The following TMPRSS15 variants were observed in gnomAD, a reference collection of about 807,000 sequenced individuals.
TMPRSS15 encodes transmembrane serine protease 15.
In TMPRSS15, 128 loss-of-function variants were observed where a neutral mutation model predicts 125.3. That is an observed-to-expected ratio of 1.02 (90% CI 0.89 to 1.18). The LOEUF (loss-of-function observed/expected upper bound fraction) is 1.18, where lower values mean the gene tolerates loss of function less well. Among genes scored for constraint, TMPRSS15 ranks in the 50% most tolerant of loss-of-function variants. The pLI, the probability that TMPRSS15 is intolerant of heterozygous loss-of-function variation, is 0.00. For missense variants in TMPRSS15, 1,283 were observed against 1,212.7 expected (o/e 1.06, Z -0.86); for synonymous variants, 446 against 423.2 (o/e 1.05, Z -0.66).
chr21:18,462,737 A>G (rs1978574509), intron 1 of TMPRSS15, among the ~76,000 whole-genome samples: 1 of 152,200 alleles, frequency 6.6e-6, no homozygotes, highest in Non-Finnish European at 1.5e-5. Context: ...GTAGAGCATC[A>G]AGAAAATCAC....
At chr21:18,282,476 C>A (rs1468708941) in intron 21 of TMPRSS15, among the ~76,000 whole-genome samples, 2 of 152,146 alleles carry the variant, frequency 1.3e-5, no homozygotes, top group Admixed American at 1.3e-4. Flanking sequence ...AAGTCCAAGT[C>A]ACTTCCAGAT....
At chr21:18,357,155 G>A (rs751053629) in intron 8 of TMPRSS15, among the ~76,000 whole-genome samples, 9 of 151,720 alleles carry the variant, frequency 5.9e-5, no homozygotes, top group African/African-American at 1.2e-4. Context: ...CTCACTCACC[G>A]TCTTCTACCC....
At position 18,270,219 on chromosome 21, in the gene TMPRSS15, T is replaced by TTAA. The variant is rs2074538646; in HGVS notation, c.2905-98_2905-96dup. The TTAA allele has an allele frequency of 6.3e-6, 7 of 1,105,746 alleles. No homozygotes were observed. The African/African-American group carries it at 1.4e-4, about 21-fold the overall frequency. 68.5% of individuals were successfully genotyped at this position (1,105,746 alleles called of 1,614,324 possible). A position where few individuals can be genotyped will look rare whatever the true frequency, so the allele number is the denominator to read the frequency against. ...TATCAAATAAATTAAAAAATAAAAATTAATTAAAAAATATGATTTAATTGC... is the reference window on the plus strand; with the variant it reads ...TATCAAATAAATTAAAAAATAAAAATTAATAATTAAAAAATATGATTTAATTGC... On this transcript the variant is annotated intron_variant, in intron 24 of 24. Transcript: ENST00000284885.
intron 1 of TMPRSS15, among the ~76,000 whole-genome samples, chr21:18,473,732 T>C (rs1978823735): frequency 6.6e-6 from 1 of 152,110 alleles, no homozygotes; most frequent in Admixed American, 6.6e-5. Flanking sequence ...CCCATTCACA[T>C]CCTAAGAATA....
At chr21:18,325,913 T>C (rs2075284148) in intron 16 of TMPRSS15, among the ~76,000 whole-genome samples, 1 of 152,106 alleles carries the variant, frequency 6.6e-6, no homozygotes, top group Non-Finnish European at 1.5e-5. Context: ...TTTATGGATA[T>C]ACTAAAACAC....
At chr21:18,444,716 T>A (rs2076251089) in intron 1 of TMPRSS15, among the ~76,000 whole-genome samples, 1 of 152,194 alleles carries the variant, frequency 6.6e-6, no homozygotes, top group Non-Finnish European at 1.5e-5. Context: ...TTCAAAACTT[T>A]CTCTTTTAGT....
upstream of TMPRSS15, among the ~76,000 whole-genome samples, chr21:18,407,952 G>A (rs542464085): frequency 8.6e-4 from 131 of 152,226 alleles, no homozygotes; most frequent in Non-Finnish European, 1.6e-3. Flanking sequence ...TTGGTAATAG[G>A]AATGACATAT....
upstream of TMPRSS15, among the ~76,000 whole-genome samples, chr21:18,405,449 AT>A (rs1262406318): frequency 1.3e-5 from 2 of 152,142 alleles, no homozygotes; most frequent in African/African-American, 2.4e-5. Context: ...ATATCTTGAA[AT>A]TTTTTGAAAA....
rs1422731131 is a variant in TMPRSS15 at position 18,474,342 on chromosome 21, G to A, written c.10+11457C>T. Among the ~76,000 whole-genome samples the A allele has an allele frequency of 2.6e-5, 4 of 151,714 alleles. No homozygotes were observed. In the East Asian group the frequency reaches 7.8e-4, roughly 29 times the overall value. On this transcript the variant is annotated intron_variant, in intron 1 of 7. Transcript: ENST00000422787. ...TTTCACTCTTATTGCCCAGGCTGGAGTGCTATGGCTCAATCTTTGCTCACT... is the reference window on the plus strand; with the variant it reads ...TTTCACTCTTATTGCCCAGGCTGGAATGCTATGGCTCAATCTTTGCTCACT...
chr21:18,409,772 C>T (rs1280880166), intron 1 of TMPRSS15, among the ~76,000 whole-genome samples: 2 of 151,904 alleles, frequency 1.3e-5, no homozygotes, highest in Non-Finnish European at 2.9e-5. Flanking sequence ...ATTGAGTTTG[C>T]TTCCAAAATC....
chr21:18,297,320 T>A (rs1318496492), intron 19 of TMPRSS15, among the ~76,000 whole-genome samples: 1 of 152,166 alleles, frequency 6.6e-6, no homozygotes, highest in African/African-American at 2.4e-5. Context: ...ATCAAGATAT[T>A]CCCCTCTTTC....
intron 1 of TMPRSS15, among the ~76,000 whole-genome samples, chr21:18,477,096 G>C (rs569004537): frequency 6.6e-6 from 1 of 152,214 alleles, no homozygotes; most frequent in East Asian, 1.9e-4. Context: ...AAGTTAATAT[G>C]ATACGCCTTG....
chr21:18,385,955 G>A (rs559034252), intron 3 of TMPRSS15, among the ~76,000 whole-genome samples: 1 of 152,212 alleles, frequency 6.6e-6, no homozygotes, highest in East Asian at 1.9e-4. Flanking sequence ...ATGTTGGCCA[G>A]GATGGTCTCG....
intron 16 of TMPRSS15, among the ~76,000 whole-genome samples, chr21:18,320,284 T>C (rs2075220850): frequency 6.6e-6 from 1 of 152,114 alleles, no homozygotes; most frequent in South Asian, 2.1e-4. Context: ...CAGCATGAAT[T>C]ACATGTCCAT....
In TMPRSS15 at chr21:18,297,833, G is replaced by C. The variant is rs1326682431; in HGVS notation, c.2166-4C>G. 6.3e-7 allele frequency: 1 copy of C among 1,599,628 alleles called. No homozygotes were observed. The highest frequency in any genetic ancestry group is 1.1e-5 in the South Asian group (1 of 90,706). On this transcript the variant is annotated splice_polypyrimidine_tract_variant and splice_region_variant and intron_variant, in intron 18 of 24. Coordinates refer to ENST00000284885, the MANE Select transcript of TMPRSS15 (RefSeq NM_002772.3). ...TGGCTTTGATGAGTTTCCACTCCTAGAGAAAAAAGAAAAAAGCATACAGAC... is the reference window on the plus strand; with the variant it reads ...TGGCTTTGATGAGTTTCCACTCCTACAGAAAAAAGAAAAAAGCATACAGAC...
At position 18,475,599 on chromosome 21, in the gene TMPRSS15, T is replaced by A. The variant is rs534770518; in HGVS notation, c.10+10200A>T. Among the ~76,000 whole-genome samples the A allele has an allele frequency of 5.3e-5, 8 of 152,080 alleles. No homozygotes were observed. The South Asian group carries it at 1.5e-3, about 28-fold the overall frequency. The stretch of plus-strand genomic sequence containing the variant: ...AGAGCAAGACTCTGTCTCAAAAAAT[T>A]TTCTTCTTTGATTGAAAGTTTTTCC... On this transcript the variant is annotated intron_variant, in intron 1 of 7. Transcript: ENST00000422787.
chr21:18,362,816 C>G (rs942292172), intron 7 of TMPRSS15, among the ~76,000 whole-genome samples: 3 of 152,038 alleles, frequency 2.0e-5, no homozygotes, highest in Non-Finnish European at 4.4e-5. Flanking sequence ...TCTACAGACA[C>G]AGAAATTTGG....
At chr21:18,322,689 A>T (rs538967716) in intron 16 of TMPRSS15, among the ~76,000 whole-genome samples, 2 of 152,166 alleles carry the variant, frequency 1.3e-5, no homozygotes, top group Admixed American at 1.3e-4. Context: ...TTTCATGAAG[A>T]TAGTAAATAG....
chr21:18,282,060 T>C (rs1035620187), intron 21 of TMPRSS15, among the ~76,000 whole-genome samples: 14 of 121,820 alleles, frequency 1.1e-4, no homozygotes, highest in Admixed American at 3.5e-4. Context: ...ATTGCGCCAC[T>C]GCACTCCAGC....
Sources: gnomAD v4.1 joint callset for allele counts (sites outside exome capture counted in the v4.1 genomes callset) on GRCh38, gnomAD v4.1.1 for gene constraint, MANE v1.5 for transcripts, NCBI Gene and HGNC (gene_info 2026-07-23, HGNC 2026-07-21) for gene names.